RAF1: variants seen among roughly 807,000 people sequenced by gnomAD.
RAF1 encodes RAF proto-oncogene serine/threonine-protein kinase.
In RAF1, 27 loss-of-function variants were observed where a neutral mutation model predicts 81.1. The observed-to-expected ratio is 0.33, with a 90% CI of 0.25 to 0.46. The LOEUF (loss-of-function observed/expected upper bound fraction) is 0.46. Ranked by LOEUF, RAF1 falls within the 20% of genes least tolerant of loss-of-function variation. RAF1 has a pLI of 1.00. For synonymous variants in RAF1, 298 were observed against 294.0 expected (o/e 1.01, Z -0.14); for missense variants, 598 against 826.0 (o/e 0.72, Z 3.38).
intron 1 of RAF1, among the ~76,000 whole-genome samples, chr3:12,634,595 C>T (rs559218897): frequency 2.0e-4 from 30 of 152,266 alleles, no homozygotes; most frequent in African/African-American, 6.7e-4. Context: ...GACAACTGTG[C>T]ACCGGATACA....
At chr3:12,646,859 G>A (rs952638695) in intron 1 of RAF1, among the ~76,000 whole-genome samples, 1 of 151,572 alleles carries the variant, frequency 6.6e-6, no homozygotes, top group Non-Finnish European at 1.5e-5. Context: ...TAATTTTTGT[G>A]ATTTTAGTAG....
chr3:12,644,185 T>C (rs1222249650), intron 1 of RAF1, among the ~76,000 whole-genome samples: 1 of 152,174 alleles, frequency 6.6e-6, no homozygotes, highest in African/African-American at 2.4e-5. Flanking sequence ...AAGTCAAATC[T>C]GGAGAGACTA....
At position 12,590,829 on chromosome 3, in the gene RAF1, C is replaced by A. The variant is rs756161359; in HGVS notation, c.1399G>T (p.Asp467Tyr). The A allele has an allele frequency of 6.2e-7, 1 of 1,613,998 alleles. No individual in the cohort carries two copies. The highest frequency in any genetic ancestry group is 1.1e-5 in the South Asian group (1 of 91,072). ...CCCTGAGCCGTCTGCCGGGCAATGT[C>A]AATTAGCTGGAACATCTGAAACTTG... The change falls in exon 13 of 18, where the codon GAC (aspartate) becomes TAC (tyrosine). Residue 467 changes from aspartate (D) to tyrosine (Y), a missense_variant. This residue lies in a region of RAF1 where 85 missense variants were observed against 185.6 expected (regional missense o/e 0.46). Coordinates refer to ENST00000442415, the MANE Select transcript of RAF1 (RefSeq NM_001354689.3).
At chr3:12,632,261 T>C (rs1559465414) in intron 1 of RAF1, among the ~76,000 whole-genome samples, 3 of 148,314 alleles carry the variant, frequency 2.0e-5, no homozygotes, top group Non-Finnish European at 4.4e-5. Flanking sequence ...GAGGCAGAGG[T>C]TGCAGTGAGC....
chr3:12,661,288 T>C (rs1393916474), intron 1 of RAF1, among the ~76,000 whole-genome samples: 1 of 152,194 alleles, frequency 6.6e-6, no homozygotes, highest in Non-Finnish European at 1.5e-5. Context: ...GAGAAGTCAA[T>C]ACAAATAAAT....
chr3:12,654,312 G>A lies in RAF1; in HGVS notation c.-27+9501C>T, dbSNP rs2060620474. 4.0e-5 allele frequency among the ~76,000 whole-genome samples: 6 copies of A among 150,510 alleles called. No individual in the cohort carries two copies. The South Asian group carries it at 1.3e-3, about 33-fold the overall frequency. ...CCTAAATACATTATAGAATAAAAAA[G>A]TATGAGAGGCCAGGCACAGTGGCTC... On this transcript the variant is annotated intron_variant, in intron 1 of 17. Transcript: ENST00000442415.
intron 14 of RAF1, 147 bp from the exon 14 acceptor site, chr3:12,585,946 C>G: frequency 1.5e-6 from 1 of 681,570 alleles, no homozygotes; most frequent in Non-Finnish European, 2.6e-6. Context: ...TTCTGAAGTT[C>G]TTTAAAGTGC....
At chr3:12,609,021 A>G (rs1385273335) in intron 4 of RAF1, 98 bp from the exon 5 acceptor site, 2 of 1,332,502 alleles carry the variant, frequency 1.5e-6, no homozygotes, top group African/African-American at 1.5e-5. Context: ...TACAAAATGA[A>G]TCATACTTCC....
intron 1 of RAF1, among the ~76,000 whole-genome samples, chr3:12,652,226 TAATA>T (rs2060554804): frequency 6.8e-6 from 1 of 148,094 alleles, no homozygotes; most frequent in African/African-American, 2.5e-5. Flanking sequence ...AAAAAAACAA[TAATA>T]AATAAAAATA....
In RAF1 at chr3:12,619,950, C is replaced by T. The variant is rs373425201; in HGVS notation, c.-26-1203G>A. ...ACAAAAAATTAGCCAGGCATGGTGG[C>T]GGGCGCCTGTAGTCCCAGCTACTCA... On this transcript the variant is annotated intron_variant, in intron 1 of 17. Transcript: ENST00000442415. Among the ~76,000 whole-genome samples the T allele has an allele frequency of 1.3e-4, 20 of 151,718 alleles. 2 individuals carry two copies. Among genetic ancestry groups the T allele is most frequent in the Admixed American group, 3.3e-4 (5 of 15,248 alleles).
chr3:12,587,836 C>CATTTTTT, intron 13 of RAF1, 199 bp from the exon 13 acceptor site: 1 of 236,150 alleles, frequency 4.2e-6, no homozygotes, highest in Admixed American at 6.4e-5. Flanking sequence ...CATGCTTACA[C>CATTTTTT]CTTTTTTTTT....
intron 1 of RAF1, among the ~76,000 whole-genome samples, chr3:12,643,651 G>A (rs1314757294): frequency 2.0e-5 from 3 of 151,672 alleles, no homozygotes; most frequent in East Asian, 3.9e-4. Context: ...CAGGAGAATC[G>A]CTTGAACCCG....
At chr3:12,663,505 C>T (rs1478886332) in intron 1 of RAF1, among the ~76,000 whole-genome samples, 3 of 152,240 alleles carry the variant, frequency 2.0e-5, no homozygotes, top group Non-Finnish European at 2.9e-5. Context: ...TATGGGGCAG[C>T]TCTGGGCGGA....
chr3:12,614,457 G>C (rs1230150596), intron 2 of RAF1, among the ~76,000 whole-genome samples: 2 of 151,996 alleles, frequency 1.3e-5, no homozygotes, highest in African/African-American at 4.8e-5. Flanking sequence ...TACTGAGACA[G>C]AATCTTGCTC....
At chr3:12,603,350 C>A in intron 8 of RAF1, 1 of 537,910 alleles carries the variant, frequency 1.9e-6, no homozygotes, top group Non-Finnish European at 3.3e-6. Flanking sequence ...AAAAAGAAAA[C>A]ATGGAAACAA....
At chr3:12,662,232 G>A (rs1254725518) in intron 1 of RAF1, among the ~76,000 whole-genome samples, 1 of 150,746 alleles carries the variant, frequency 6.6e-6, no homozygotes, top group Admixed American at 6.6e-5. Context: ...CTACTCAGGA[G>A]GCAAAGGCAG....
chr3:12,646,859 G>T (rs952638695), intron 1 of RAF1, among the ~76,000 whole-genome samples: 1 of 151,572 alleles, frequency 6.6e-6, no homozygotes, highest in Non-Finnish European at 1.5e-5. Flanking sequence ...TAATTTTTGT[G>T]ATTTTAGTAG....
At chr3:12,604,620 A>C (rs1383806952) in intron 6 of RAF1, among the ~76,000 whole-genome samples, 1 of 152,226 alleles carries the variant, frequency 6.6e-6, no homozygotes, top group Non-Finnish European at 1.5e-5. Flanking sequence ...AACATTTGAC[A>C]ACCACGCTAC....
At position 12,606,254 on chromosome 3, in the gene RAF1, T is replaced by C. The variant is rs759564229; in HGVS notation, c.627A>G (p.Leu209=). 3 of 1,613,844 alleles carry C rather than the reference T, an allele frequency of 1.9e-6. No homozygotes were observed. The highest frequency in any genetic ancestry group is 2.5e-6 in the Non-Finnish European group (3 of 1,179,910). ...GCATACGACGCATAGTCAAAGAAGGTAGTGCTGGGACTCCACTATCACCAA... is the reference window on the plus strand; with the variant it reads ...GCATACGACGCATAGTCAAAGAAGGCAGTGCTGGGACTCCACTATCACCAA... The change falls in exon 6 of 18, where the codon CTA becomes CTG. Residue 209 remains leucine, a synonymous_variant. Transcript: ENST00000442415.
Sources: allele counts gnomAD v4.1 joint callset (sites outside exome capture counted in the v4.1 genomes callset), GRCh38; gene constraint gnomAD v4.1.1; regional missense constraint gnomAD v4.1.1; transcripts MANE v1.5; gene names NCBI Gene and HGNC (gene_info 2026-07-23, HGNC 2026-07-21).